DDX60: variants seen among roughly 807,000 people sequenced by gnomAD.
DDX60 encodes the protein probable ATP-dependent RNA helicase DDX60.
A neutral mutation model predicts 212.8 loss-of-function variants in DDX60; 165 were observed. The observed-to-expected ratio is 0.78, with a 90% CI of 0.68 to 0.88. DDX60 has a LOEUF of 0.88. DDX60 is among the 40% of genes least tolerant of loss of function. DDX60 has a pLI of 0.00. For synonymous variants in DDX60, 703 were observed against 685.3 expected (o/e 1.03, Z -0.40); for missense variants, 1,905 against 2,003.9 (o/e 0.95, Z 0.94).
chr4:168,317,676 T>C (rs115813975), intron 1 of DDX60, among the ~76,000 whole-genome samples: 350 of 152,280 alleles, frequency 2.3e-3, no homozygotes, highest in African/African-American at 7.6e-3. Context: ...GTCTCTTTAA[T>C]GATTCGGTTA....
At chr4:168,318,093 A>C (rs1177780852) in intron 1 of DDX60, among the ~76,000 whole-genome samples, 1 of 152,232 alleles carries the variant, frequency 6.6e-6, no homozygotes. Flanking sequence ...CCCCTTGACC[A>C]GGAATAAATT....
At chr4:168,238,446 AG>A in intron 30 of DDX60, among the ~76,000 whole-genome samples, 2 of 100,996 alleles carry the variant, frequency 2.0e-5, no homozygotes, top group Non-Finnish European at 4.1e-5. Context: ...AGGGAAGGGA[AG>A]GGAAGGGAAG....
intron 8 of DDX60, among the ~76,000 whole-genome samples, chr4:168,289,275 C>G (rs1274286064): frequency 2.6e-5 from 4 of 152,154 alleles, no homozygotes; most frequent in Non-Finnish European, 4.4e-5. Flanking sequence ...AGTCCTCAAC[C>G]TATTACAATC....
intron 30 of DDX60, 98 bp from the exon 31 acceptor site, chr4:168,237,893 A>G: frequency 1.2e-6 from 1 of 831,806 alleles, no homozygotes. Flanking sequence ...ATTATACCAC[A>G]AAGATATCAG....
intron 26 of DDX60, among the ~76,000 whole-genome samples, chr4:168,253,039 G>A (rs554983037): frequency 3.6e-4 from 55 of 152,158 alleles, no homozygotes; most frequent in Admixed American, 1.0e-3. Flanking sequence ...TCCTGACCTC[G>A]TGGTCCACCT....
intron 4 of DDX60, among the ~76,000 whole-genome samples, chr4:168,307,043 T>C (rs1330337880): frequency 6.6e-6 from 1 of 152,204 alleles, no homozygotes; most frequent in Admixed American, 6.5e-5. Context: ...GTGGTAGATA[T>C]AAATCATCTG....
chr4:168,260,770 G>T (rs1270942650), intron 25 of DDX60, 95 bp downstream of exon 25: 16 of 1,109,740 alleles, frequency 1.4e-5, no homozygotes, highest in Non-Finnish European at 2.1e-5. Flanking sequence ...GGCTGGGCCA[G>T]TGATGGTCTG....
chr4:168,237,265 T>C (rs1251752258), intron 32 of DDX60, 21 bp downstream of exon 32: 7 of 1,490,842 alleles, frequency 4.7e-6, no homozygotes, highest in Admixed American at 4.4e-5. Flanking sequence ...TCTACATATA[T>C]ATATAAAATC....
At chr4:168,238,422 G>A (rs759381827) in intron 30 of DDX60, among the ~76,000 whole-genome samples, 8 of 1,120 alleles carry the variant, frequency 7.1e-3, no homozygotes, top group South Asian at 0.062. Flanking sequence ...GGAGAGGGGA[G>A]GGAAGGGAAG....
Position 168,255,769 on chromosome 4 carries a change from G to T in DDX60, c.3499C>A (p.His1167Asn). Residue 1167 changes from histidine to asparagine, a missense_variant, in exon 26 of 38, where the codon CAT (histidine) becomes AAT (asparagine). By Grantham distance (68) the His-to-Asn change is moderately conservative. Transcript: ENST00000393743. ...TTTCGAAGTTTGTTAGCCATGACAT[G>T]GGCTTCTTTATCAGCTTTGGGAGGC... ...KRPPKADKEA[H>N]VMANKLRKVK... 1 of 1,604,966 alleles carries T rather than the reference G, an allele frequency of 6.2e-7. No homozygotes were observed. The highest frequency in any genetic ancestry group is 8.5e-7 in the Non-Finnish European group (1 of 1,177,578).
chr4:168,289,937 C>CG (rs1491120575), intron 8 of DDX60, among the ~76,000 whole-genome samples: 1 of 152,050 alleles, frequency 6.6e-6, no homozygotes, highest in Non-Finnish European at 1.5e-5. Context: ...CAAGTCCCCC[C>CG]TGTTTTGCCT....
Position 168,316,344 on chromosome 4 carries a change from C to G in DDX60, c.-107+2278G>C, listed in dbSNP as rs189520310. Among the ~76,000 whole-genome samples, 356 of 152,242 alleles carry G rather than the reference C, an allele frequency of 2.3e-3. 3 individuals are homozygous for G. Among genetic ancestry groups the G allele is most frequent in the Middle Eastern group, 3.4e-3 (1 of 294 alleles). On this transcript the variant is annotated intron_variant, in intron 1 of 37. Transcript: ENST00000393743. ...CTGTTGACTCAACATACAAACAAAT[C>G]ACAAGAATCAAAGTCACAAACTGCT...
At chr4:168,307,843 T>C (rs912842712) in intron 4 of DDX60, among the ~76,000 whole-genome samples, 163 bp downstream of exon 4, 1 of 152,186 alleles carries the variant, frequency 6.6e-6, no homozygotes, top group East Asian at 1.9e-4. Flanking sequence ...TGGTGATTTC[T>C]GAATACTGGG....
At chr4:168,321,454 C>A (rs558245944), upstream of DDX60, among the ~76,000 whole-genome samples, 6 of 152,286 alleles carry the variant, frequency 3.9e-5, no homozygotes, top group East Asian at 9.6e-4. Context: ...AGGGGAATGA[C>A]CCAGTTAGGA....
chr4:168,260,792 T>C (rs1734593588), intron 25 of DDX60, 73 bp downstream of exon 25: 7 of 1,334,294 alleles, frequency 5.2e-6, no homozygotes, highest in Admixed American at 1.9e-5. Context: ...GGCCTGGAGG[T>C]TGGGGACCTC....
At chr4:168,311,434 G>GACACTATGTGT in intron 1 of DDX60, 69 bp from the exon 2 acceptor site, 1 of 591,576 alleles carries the variant, frequency 1.7e-6, no homozygotes, top group Non-Finnish European at 3.0e-6. Flanking sequence ...TATATGTAAA[G>GACACTATGTGT]CAAAATATTA....
chr4:168,315,537 T>C (rs936421727), intron 1 of DDX60, among the ~76,000 whole-genome samples: 1 of 152,268 alleles, frequency 6.6e-6, no homozygotes, highest in East Asian at 1.9e-4. Flanking sequence ...TTTAAGCACC[T>C]CATGCATTAG....
Position 168,293,832 on chromosome 4 carries a change from T to C in DDX60, c.837A>G (p.Leu279=). 5 of 1,613,862 alleles carry C rather than the reference T, an allele frequency of 3.1e-6. No individual in the cohort carries two copies. Among genetic ancestry groups the C allele is most frequent in the Non-Finnish European group, 2.5e-6 (3 of 1,179,896 alleles). Residue 279 remains leucine (L), a synonymous_variant, in exon 7 of 38, where the codon TTA becomes TTG. Transcript: ENST00000393743. ...GACCAGAGGAGGGCTCTCTGTTTCC[T>C]AAAAAGCGATGGTACATTCTCAAAG... The part of the protein sequence containing the change: ...SLSLRMYHRF[L]GNREPSSGQE...
At chr4:168,314,074 T>C (rs1560885781) in intron 1 of DDX60, among the ~76,000 whole-genome samples, 1 of 152,100 alleles carries the variant, frequency 6.6e-6, no homozygotes, top group Non-Finnish European at 1.5e-5. Context: ...TAGGACAGGG[T>C]ATGCAAGACA....
Sources: allele counts gnomAD v4.1 joint callset (sites outside exome capture counted in the v4.1 genomes callset), GRCh38; gene constraint gnomAD v4.1.1; transcripts MANE v1.5; gene names NCBI Gene and HGNC (gene_info 2026-07-23, HGNC 2026-07-21).